EDDM13: variants seen among roughly 807,000 people sequenced by gnomAD.
EDDM13 encodes the protein epididymal protein 13.
Under a neutral mutation model 17.8 loss-of-function variants are expected in EDDM13, and 24 were observed. The observed-to-expected ratio is 1.35, with a 90% CI of 0.98 to 1.90. EDDM13 has a LOEUF of 1.90. EDDM13 is among the 40% of genes most tolerant of loss of function. The pLI is 0.00. For synonymous variants in EDDM13, 31 were observed against 37.5 expected, an observed-to-expected ratio of 0.83 and a Z score of 0.63; for missense variants, 97 against 100.8, an observed-to-expected ratio of 0.96 and a Z score of 0.16.
chr19:56,280,190 C>T (rs2038583828), intron 2 of EDDM13, among the ~76,000 whole-genome samples: 1 of 152,180 alleles, frequency 6.6e-6, no homozygotes, highest in South Asian at 2.1e-4. Flanking sequence ...GCGTATTATA[C>T]ACACTGTTCT....
At chr19:56,292,210 T>C (rs2039556100) in intron 9 of EDDM13, among the ~76,000 whole-genome samples, 1 of 152,244 alleles carries the variant, frequency 6.6e-6, no homozygotes, top group Non-Finnish European at 1.5e-5. Flanking sequence ...GTTTGCCACA[T>C]GTGGGTAACA....
At chr19:56,279,558 G>GT (rs1277668438) in intron 2 of EDDM13, among the ~76,000 whole-genome samples, 25 of 152,158 alleles carry the variant, frequency 1.6e-4, no homozygotes, top group African/African-American at 6.0e-4. Flanking sequence ...TTTCAAAATC[G>GT]TAAGTGTCCC....
At chr19:56,293,320 T>A (rs1021553286) in intron 9 of EDDM13, among the ~76,000 whole-genome samples, 2 of 152,174 alleles carry the variant, frequency 1.3e-5, no homozygotes, top group African/African-American at 4.8e-5. Context: ...GCCAGTCAGG[T>A]GCAGAGAATA....
intron 2 of EDDM13, among the ~76,000 whole-genome samples, chr19:56,277,300 T>C (rs1452588148): frequency 4.6e-5 from 7 of 152,206 alleles, no homozygotes. Flanking sequence ...CATCCATTAA[T>C]GAATGGAGAA....
At chr19:56,304,296 T>A (rs949026003) in intron 13 of EDDM13, among the ~76,000 whole-genome samples, 2 of 152,128 alleles carry the variant, frequency 1.3e-5, no homozygotes. Flanking sequence ...ACCAGGGAGA[T>A]GAGCCTGAGA....
intron 1 of EDDM13, among the ~76,000 whole-genome samples, chr19:56,275,489 G>C (rs527594518): frequency 2.7e-4 from 41 of 152,142 alleles, no homozygotes; most frequent in Admixed American, 4.6e-4. Flanking sequence ...CCAGCACTTC[G>C]GGAGGCCAAC....
chr19:56,276,433 C>G (rs1020730188), intron 2 of EDDM13, among the ~76,000 whole-genome samples: 1 of 151,210 alleles, frequency 6.6e-6, no homozygotes, highest in African/African-American at 2.4e-5. Context: ...TTAACACCAG[C>G]TGGTGGTTTG....
At chr19:56,277,465 C>T (rs1025457198) in intron 2 of EDDM13, among the ~76,000 whole-genome samples, 2 of 148,666 alleles carry the variant, frequency 1.3e-5, no homozygotes, top group South Asian at 2.1e-4. Context: ...TTCCGTTTAC[C>T]GTATATGAAA....
intron 14 of EDDM13, among the ~76,000 whole-genome samples, chr19:56,305,832 A>G (rs1046419270): frequency 6.6e-6 from 1 of 152,202 alleles, no homozygotes; most frequent in African/African-American, 2.4e-5. Flanking sequence ...ACAATGAATC[A>G]AAGGCCTGTA....
At chr19:56,292,480 G>A (rs1289179212) in intron 9 of EDDM13, among the ~76,000 whole-genome samples, 1 of 105,428 alleles carries the variant, frequency 9.5e-6, no homozygotes, top group African/African-American at 3.4e-5. Flanking sequence ...TTACTTTTTT[G>A]TTTTGCTTTG....
intron 14 of EDDM13, among the ~76,000 whole-genome samples, chr19:56,309,081 C>T (rs534909707): frequency 2.6e-5 from 4 of 152,174 alleles, no homozygotes; most frequent in East Asian, 1.9e-4. Flanking sequence ...ATAAACAAAA[C>T]GTAGTGCATT....
At chr19:56,306,221 AG>A (rs1215358907) in intron 14 of EDDM13, among the ~76,000 whole-genome samples, 2 of 152,234 alleles carry the variant, frequency 1.3e-5, no homozygotes, top group African/African-American at 4.8e-5. Flanking sequence ...CAGGGTACGG[AG>A]AGAAAGTACG....
intron 9 of EDDM13, among the ~76,000 whole-genome samples, chr19:56,293,908 C>T (rs911430706): frequency 2.6e-5 from 4 of 152,270 alleles, no homozygotes; most frequent in East Asian, 1.9e-4. Flanking sequence ...AGAAACCCCC[C>T]GCTGAATAAA....
intron 13 of EDDM13, chr19:56,302,819 C>T (rs937281494): frequency 1.3e-5 from 5 of 398,580 alleles, no homozygotes; most frequent in Admixed American, 4.4e-5. Flanking sequence ...CTCTCTCTGC[C>T]GCTGTCTCTT....
At chr19:56,309,729 G>T (rs1407769906) in intron 14 of EDDM13, among the ~76,000 whole-genome samples, 2 of 152,200 alleles carry the variant, frequency 1.3e-5, no homozygotes, top group African/African-American at 2.4e-5. Flanking sequence ...GCTCCTGCGG[G>T]GCGCGCCCTC....
intron 2 of EDDM13, among the ~76,000 whole-genome samples, chr19:56,279,747 A>G (rs2038543331): frequency 6.6e-6 from 1 of 152,162 alleles, no homozygotes; most frequent in Non-Finnish European, 1.5e-5. Flanking sequence ...GTTCCTTCCT[A>G]TCTTCAAAAG....
chr19:56,289,924 T>C (rs1449887355), intron 8 of EDDM13, among the ~76,000 whole-genome samples: 1 of 152,204 alleles, frequency 6.6e-6, no homozygotes, highest in East Asian at 1.9e-4. Flanking sequence ...CTCACAAATG[T>C]TTCTTGTACC....
intron 8 of EDDM13, among the ~76,000 whole-genome samples, chr19:56,289,414 G>A (rs1230371097): frequency 6.6e-6 from 1 of 152,184 alleles, no homozygotes; most frequent in Non-Finnish European, 1.5e-5. Flanking sequence ...TTTCAAGGAA[G>A]AAAGATGGTG....
intron 1 of EDDM13, among the ~76,000 whole-genome samples, chr19:56,274,230 G>C (rs115056396): frequency 0.01 from 1,573 of 152,250 alleles, 37 homozygotes; most frequent in African/African-American, 0.036. Context: ...AAGGCAGCTG[G>C]ATTATTTGAG....
Sources: allele counts gnomAD v4.1 joint callset (sites outside exome capture counted in the v4.1 genomes callset), GRCh38; gene constraint gnomAD v4.1.1; transcripts MANE v1.5; gene names NCBI Gene and HGNC (gene_info 2026-07-23, HGNC 2026-07-21).